The following NEDD4 variants were observed in gnomAD, a reference collection of about 807,000 sequenced individuals.
NEDD4 encodes E3 ubiquitin-protein ligase NEDD4.
In NEDD4, 99 loss-of-function variants were observed where a neutral mutation model predicts 144.9. That is an observed-to-expected ratio of 0.68 (90% CI 0.58 to 0.81). The LOEUF (loss-of-function observed/expected upper bound fraction) is 0.81, where lower values mean the gene tolerates loss of function less well. Among genes scored for constraint, NEDD4 ranks in the 30% least tolerant of loss-of-function variants. NEDD4 has a pLI of 0.00. For missense variants in NEDD4, 985 were observed against 1,065.9 expected (o/e 0.92, Z 1.06); for synonymous variants, 318 against 350.6 (o/e 0.91, Z 1.04).
At position 55,865,800 on chromosome 15, in the gene NEDD4, G is replaced by A. The variant is rs77652265; in HGVS notation, c.508-2721C>T. On this transcript the variant is annotated intron_variant, in intron 8 of 28. Coordinates refer to ENST00000435532, the MANE Select transcript of NEDD4 (RefSeq NM_006154.4). ...AGGAAAGGAATGTTTTTTGGTAGCA[G>A]GGAGAAATGGATAGGGGTTTCTGCA... Among the ~76,000 whole-genome samples the A allele has an allele frequency of 1.4e-4, 21 of 152,236 alleles. No homozygotes were observed. In the East Asian group the frequency reaches 3.5e-3, roughly 25 times the overall value.
At chr15:55,905,268 G>A in intron 5 of NEDD4, 4 of 455,928 alleles carry the variant, frequency 8.8e-6, no homozygotes, top group South Asian at 6.2e-5. Context: ...CTCCTGATTT[G>A]TCACTAACCA....
At chr15:55,964,551 T>C (rs991441593) in intron 2 of NEDD4, among the ~76,000 whole-genome samples, 2 of 152,158 alleles carry the variant, frequency 1.3e-5, no homozygotes, top group Admixed American at 6.6e-5. Context: ...CTACTAAAAA[T>C]GCCTTCCATT....
chr15:55,925,253 C>T (rs73418110), intron 4 of NEDD4, among the ~76,000 whole-genome samples: 2,990 of 152,106 alleles, frequency 0.02, 93 homozygotes, highest in African/African-American at 0.068. Context: ...TCTAACAGAA[C>T]GAAAGGAAGT....
intron 13 of NEDD4, among the ~76,000 whole-genome samples, chr15:55,851,574 T>G (rs2033982103): frequency 6.6e-6 from 1 of 152,076 alleles, no homozygotes; most frequent in African/African-American, 2.4e-5. Context: ...CCTCCCAGGT[T>G]CAAGCGATTC....
chr15:55,850,372 C>T (rs1032013460), intron 14 of NEDD4, among the ~76,000 whole-genome samples, 170 bp downstream of exon 14: 8 of 152,000 alleles, frequency 5.3e-5, no homozygotes, highest in South Asian at 2.1e-4. Context: ...ATTAAAAAGA[C>T]GCATAAGCAT....
chr15:55,941,861 T>C (rs1453245081), intron 4 of NEDD4, among the ~76,000 whole-genome samples: 1 of 152,186 alleles, frequency 6.6e-6, no homozygotes, highest in Non-Finnish European at 1.5e-5. Context: ...GCGTGAGCCA[T>C]TGCGCCCAGC....
chr15:55,864,683 A>G (rs1445776374), intron 8 of NEDD4, among the ~76,000 whole-genome samples: 1 of 87,078 alleles, frequency 1.1e-5, no homozygotes, highest in Non-Finnish European at 2.6e-5. Flanking sequence ...ACTCTGTCTC[A>G]TAAGAAAAAA....
chr15:55,879,711 G>T (rs2035116155), intron 5 of NEDD4, among the ~76,000 whole-genome samples: 1 of 151,966 alleles, frequency 6.6e-6, no homozygotes, highest in Non-Finnish European at 1.5e-5. Context: ...AAGATAGGAG[G>T]CTGCAAAAAA....
intron 5 of NEDD4, among the ~76,000 whole-genome samples, chr15:55,901,062 T>C (rs182780280): frequency 6.6e-6 from 1 of 152,280 alleles, no homozygotes; most frequent in East Asian, 1.9e-4. Flanking sequence ...CTTTTTTTAA[T>C]TTTTAATTTT....
intron 24 of NEDD4, among the ~76,000 whole-genome samples, chr15:55,834,655 G>A (rs2141963207): frequency 6.6e-6 from 1 of 152,220 alleles, no homozygotes. Context: ...AGCCAGGCAT[G>A]GTGGTGTGAA....
chr15:55,834,933 G>A (rs12913220), intron 24 of NEDD4, among the ~76,000 whole-genome samples: 10,472 of 152,146 alleles, frequency 0.069, 445 homozygotes, highest in Non-Finnish European at 0.099. Flanking sequence ...CCGCAGTGCC[G>A]CCTCTTCTTT....
chr15:55,958,528 ATT>A (rs1387512245), intron 2 of NEDD4, among the ~76,000 whole-genome samples: 2 of 151,882 alleles, frequency 1.3e-5, no homozygotes, highest in Non-Finnish European at 2.9e-5. Flanking sequence ...AATGCCCTCC[ATT>A]TTCTGAACGT....
chr15:55,836,859 A>G (rs1226455604), intron 24 of NEDD4, among the ~76,000 whole-genome samples: 1 of 151,030 alleles, frequency 6.6e-6, no homozygotes, highest in Non-Finnish European at 1.5e-5. Flanking sequence ...AGGTCTCCCT[A>G]TGTTGTCCAC....
At chr15:55,906,411 A>C (rs1186076934) in intron 5 of NEDD4, among the ~76,000 whole-genome samples, 2 of 152,238 alleles carry the variant, frequency 1.3e-5, no homozygotes, top group African/African-American at 4.8e-5. Flanking sequence ...GACTGGATTA[A>C]GAAAGTGTGG....
intron 2 of NEDD4, among the ~76,000 whole-genome samples, chr15:55,964,085 G>T (rs1175490264): frequency 6.6e-6 from 1 of 151,978 alleles, no homozygotes. Context: ...GCACTTCATT[G>T]TGTTCTTAAT....
chr15:55,962,444 T>C (rs8042216), intron 2 of NEDD4, among the ~76,000 whole-genome samples: 10,571 of 152,194 alleles, frequency 0.069, 482 homozygotes, highest in Non-Finnish European at 0.1. Context: ...CTTTACGTTG[T>C]TTTTTTGTTT....
chr15:55,992,878 A>T (rs1482043372), intron 1 of NEDD4, among the ~76,000 whole-genome samples: 2 of 152,228 alleles, frequency 1.3e-5, no homozygotes, highest in African/African-American at 4.8e-5. Context: ...ACTTTTTAAC[A>T]TCAACGACGA....
intron 1 of NEDD4, among the ~76,000 whole-genome samples, chr15:55,976,324 C>T (rs2037699054): frequency 6.6e-6 from 1 of 152,224 alleles, no homozygotes; most frequent in South Asian, 2.1e-4. Flanking sequence ...TGCAAACTAT[C>T]CAACAAGAGA....
chr15:55,829,867 G>T lies in NEDD4; in HGVS notation c.*30C>A. 1 of 1,557,000 alleles carries T rather than the reference G, an allele frequency of 6.4e-7. No individual in the cohort carries two copies. Among genetic ancestry groups the T allele is most frequent in the Non-Finnish European group, 8.8e-7 (1 of 1,141,138 alleles). ...AGATTTTGGTTATAAAACTATGGCA[G>T]TAAAAACACTACAGATTGTTATTTG... On this transcript the variant is annotated 3_prime_UTR_variant, in exon 29 of 29. Transcript: ENST00000435532.
Sources: gnomAD v4.1 joint callset for allele counts (sites outside exome capture counted in the v4.1 genomes callset) on GRCh38, gnomAD v4.1.1 for gene constraint, MANE v1.5 for transcripts, NCBI Gene and HGNC (gene_info 2026-07-23, HGNC 2026-07-21) for gene names.